ACAD9: variants seen among roughly 807,000 people sequenced by gnomAD.
ACAD9 encodes acyl-CoA dehydrogenase family member 9.
Under a neutral mutation model 70.2 loss-of-function variants are expected in ACAD9, and 53 were observed. The ratio of observed to expected loss-of-function variants is 0.75; its 90% CI spans 0.61 to 0.95. The LOEUF is 0.95. Ranked by LOEUF, ACAD9 falls within the 40% of genes least tolerant of loss-of-function variation. The pLI, the probability that ACAD9 is intolerant of heterozygous loss-of-function variation, is 0.00. For missense variants in ACAD9, 777 were observed against 802.8 expected (o/e 0.97, Z 0.39); for synonymous variants, 313 against 312.1 (o/e 1.00, Z -0.03).
intron 8 of ACAD9, 55 bp downstream of exon 8, chr3:128,901,404 C>T (rs747942898): frequency 5.0e-6 from 8 of 1,591,686 alleles, no homozygotes; most frequent in African/African-American, 2.7e-5. Flanking sequence ...TGCAGTTTGT[C>T]GCCCCCAGCT....
At chr3:128,907,111 A>C (rs774225508) in intron 12 of ACAD9, among the ~76,000 whole-genome samples, 16 of 152,130 alleles carry the variant, frequency 1.1e-4, no homozygotes, top group African/African-American at 3.6e-4. Context: ...ATGGGTATAC[A>C]GGAGGCAGGC....
At chr3:128,882,377 C>G (rs1236093705) in intron 1 of ACAD9, among the ~76,000 whole-genome samples, 4 of 152,226 alleles carry the variant, frequency 2.6e-5, no homozygotes, top group African/African-American at 9.6e-5. Flanking sequence ...ACCTTGTACT[C>G]TTATTCTCCT....
chr3:128,908,090 C>T (rs1935950149), intron 12 of ACAD9, 95 bp from the exon 13 acceptor site: 2 of 1,193,988 alleles, frequency 1.7e-6, no homozygotes, highest in African/African-American at 3.0e-5. Flanking sequence ...TGGCAATGGG[C>T]AAGCAGGCAG....
chr3:128,895,424 A>G lies in ACAD9; in HGVS notation c.453+8A>G, dbSNP rs199919500. 8.7e-4 allele frequency: 1,386 copies of G among 1,597,376 alleles called. 3 individuals carry two copies. Among genetic ancestry groups the G allele is most frequent in the Non-Finnish European group, 7.7e-4 (899 of 1,171,730 alleles). On this transcript the variant is annotated splice_region_variant and intron_variant, in intron 4 of 17. Coordinates refer to ENST00000308982, the MANE Select transcript of ACAD9 (RefSeq NM_014049.5). The stretch of plus-strand genomic sequence containing the variant: ...CAGGCTATTGGCCTCAAGGTCAGGT[A>G]TCTGGGGATTCTGTGTGGTGCTCTC...
intron 17 of ACAD9, among the ~76,000 whole-genome samples, chr3:128,911,374 G>A (rs1457969385): frequency 2.0e-5 from 3 of 151,790 alleles, no homozygotes; most frequent in African/African-American, 7.3e-5. Context: ...GGCAATTTTA[G>A]ATTGAGCAAG....
At position 128,904,515 on chromosome 3, in the gene ACAD9, G is replaced by A. The variant is rs1187431557; in HGVS notation, c.1149+10G>A. ...GGCAGCCATGGTGAAGGTAACCCTG[G>A]CATAGCCAGAGAGCTGGCGCTGGAG... On this transcript the variant is annotated intron_variant, in intron 11 of 17. Transcript: ENST00000308982. The A allele has an allele frequency of 9.3e-6, 15 of 1,613,142 alleles. No individual in the cohort carries two copies. Among genetic ancestry groups the A allele is most frequent in the Non-Finnish European group, 1.3e-5 (15 of 1,179,884 alleles).
chr3:128,884,013 G>A (rs1935171434), intron 1 of ACAD9, among the ~76,000 whole-genome samples: 1 of 152,190 alleles, frequency 6.6e-6, no homozygotes. Flanking sequence ...AATTGAAGGG[G>A]TAGCAGAGCC....
At chr3:128,888,433 A>G (rs1935316415) in intron 2 of ACAD9, among the ~76,000 whole-genome samples, 1 of 152,052 alleles carries the variant, frequency 6.6e-6, no homozygotes, top group South Asian at 2.1e-4. Context: ...ATAAAAATTA[A>G]CCAGGTGTGT....
chr3:128,906,358 A>G, intron 12 of ACAD9, 109 bp downstream of exon 12: 2 of 1,539,516 alleles, frequency 1.3e-6, no homozygotes, highest in Non-Finnish European at 1.8e-6. Flanking sequence ...GCTGGGTCGC[A>G]TGCTCTCAGG....
chr3:128,906,373 C>T, intron 12 of ACAD9, 124 bp downstream of exon 12: 2 of 1,438,224 alleles, frequency 1.4e-6, no homozygotes, highest in South Asian at 1.2e-5. Context: ...CTCAGGGGCT[C>T]TCCTAGCCCT....
chr3:128,880,554 T>G (rs1337185570), intron 1 of ACAD9, among the ~76,000 whole-genome samples: 1 of 151,984 alleles, frequency 6.6e-6, no homozygotes, highest in Admixed American at 6.6e-5. Flanking sequence ...CCGGCTTTTT[T>G]TTTTTTTGTA....
rs191439926 is a variant in ACAD9 at position 128,902,677 on chromosome 3, C to A, written c.958+49C>A. ...CTTTGTGCCCCACCCCCTGCTGCCC[C>A]GGCTCCAACCCTGGAGGCTCTGCCA... is the stretch of plus-strand genomic sequence containing the variant. On this transcript the variant is annotated intron_variant, in intron 9 of 17. Coordinates refer to ENST00000308982, the MANE Select transcript of ACAD9 (RefSeq NM_014049.5). The surrounding 1 kb of genome is among the most constrained non-coding windows in gnomAD (Gnocchi z 4.0). 4 of 1,594,232 alleles carry A rather than the reference C, an allele frequency of 2.5e-6. No homozygotes were observed. In the South Asian group the frequency reaches 4.4e-5, roughly 18 times the overall value.
chr3:128,909,126 C>CT lies in ACAD9; in HGVS notation c.1485+28dup. 2.5e-6 allele frequency: 4 copies of CT among 1,613,598 alleles called. No individual in the cohort carries two copies. The South Asian group carries it at 4.4e-5, about 18-fold the overall frequency. ...TGAGTGGGCCTAACAGGCATACCCC[C>CT]TATTTCAATGCCCTCCTGCCAGATC... is the stretch of plus-strand genomic sequence containing the variant. On this transcript the variant is annotated intron_variant, in intron 14 of 17. Coordinates refer to ENST00000308982, the MANE Select transcript of ACAD9 (RefSeq NM_014049.5).
intron 1 of ACAD9, 92 bp from the exon 2 acceptor site, chr3:128,884,561 G>C (rs1935188870): frequency 1.1e-6 from 1 of 912,600 alleles, no homozygotes; most frequent in Admixed American, 2.0e-5. Context: ...GGGTGGAGTG[G>C]AGCACATGTT....
chr3:128,911,160 G>A (rs1194530940), intron 17 of ACAD9, among the ~76,000 whole-genome samples: 12 of 151,854 alleles, frequency 7.9e-5, no homozygotes, highest in African/African-American at 2.9e-4. Flanking sequence ...GGGTTCAAGC[G>A]ATTCTTCTGC....
intron 2 of ACAD9, among the ~76,000 whole-genome samples, chr3:128,890,556 G>T (rs1351668495): frequency 1.3e-5 from 2 of 151,928 alleles, no homozygotes; most frequent in African/African-American, 4.8e-5. Context: ...CAAAAAATTA[G>T]CCGGGCGTGG....
rs201894239 is a variant in ACAD9 at position 128,897,458 on chromosome 3, TGAG to T, written c.555-169_555-167del. On this transcript the variant is annotated intron_variant, in intron 5 of 17. Transcript: ENST00000308982. ...CATGTTCTATTAATAGCAGCAGAGT[TGAG>T]GAGGTGAGACAGACATCCTGCAGCT... 0.024 allele frequency among the ~76,000 whole-genome samples: 3,721 copies of T among 152,312 alleles called. 63 individuals are homozygous for T. Among genetic ancestry groups the T allele is most frequent in the Non-Finnish European group, 0.036 (2,466 of 68,030 alleles).
intron 3 of ACAD9, among the ~76,000 whole-genome samples, chr3:128,894,521 C>T (rs1935510355): frequency 6.7e-6 from 1 of 148,366 alleles, no homozygotes; most frequent in South Asian, 2.1e-4. Context: ...TTCTGAGGCA[C>T]AAGATTGCGA....
At position 128,913,056 on chromosome 3, in the gene ACAD9, A is replaced by C. The variant is rs908280060; in HGVS notation, c.*449A>C. On this transcript the variant is annotated 3_prime_UTR_variant, in exon 18 of 18. Coordinates refer to ENST00000308982, the MANE Select transcript of ACAD9 (RefSeq NM_014049.5). ...TTAAACTAGAAGCAGAGGCACTTAA[A>C]ACATGTACCAGGAACCATTTAACAA... The C allele has an allele frequency of 4.4e-6, 2 of 455,336 alleles. No homozygotes were observed. The highest frequency in any genetic ancestry group is 4.0e-5 in the African/African-American group (2 of 50,050). 28.2% of individuals were successfully genotyped at this position (455,336 alleles called of 1,614,324 possible). A position where few individuals can be genotyped will look rare whatever the true frequency, so the allele number is the denominator to read the frequency against.
Sources: allele counts gnomAD v4.1 joint callset (sites outside exome capture counted in the v4.1 genomes callset), GRCh38; gene constraint gnomAD v4.1.1; non-coding constraint Gnocchi (gnomAD v3.1); transcripts MANE v1.5; gene names NCBI Gene and HGNC (gene_info 2026-07-23, HGNC 2026-07-21).